Variants in ZPLD1 observed in about 807,000 individuals in gnomAD.
ZPLD1 encodes zona pellucida like domain containing 1, also known as zona pellucida-like domain-containing protein 1.
In ZPLD1, 34 loss-of-function variants were observed where a neutral mutation model predicts 47.2. The observed-to-expected ratio is 0.72, with a 90% confidence interval of 0.55 to 0.96. ZPLD1 has a LOEUF of 0.96. Among genes scored for constraint, ZPLD1 ranks in the 40% least tolerant of loss-of-function variants. The pLI, the probability that ZPLD1 is intolerant of heterozygous loss-of-function variation, is 0.00. For missense variants in ZPLD1, 512 were observed against 505.8 expected (o/e 1.01, Z -0.12); for synonymous variants, 176 against 186.2 (o/e 0.95, Z 0.45).
chr3:102,438,087 A>G (rs1395331014), intron 2 of ZPLD1, among the ~76,000 whole-genome samples: 1 of 152,128 alleles, frequency 6.6e-6, no homozygotes, highest in Non-Finnish European at 1.5e-5. Flanking sequence ...CTGACTATAT[A>G]CTTGTTGGTA....
intron 7 of ZPLD1, among the ~76,000 whole-genome samples, chr3:102,407,475 G>A (rs1267532982): frequency 2.6e-5 from 3 of 116,914 alleles, no homozygotes; most frequent in African/African-American, 6.2e-5. Context: ...GAGTCCACTG[G>A]GATAAACAAT....
At chr3:102,462,777 TAA>T (rs1356040669) in intron 7 of ZPLD1, among the ~76,000 whole-genome samples, 1 of 152,148 alleles carries the variant, frequency 6.6e-6, no homozygotes. Flanking sequence ...GGACTCTGCA[TAA>T]GAGTGTGTCA....
intron 7 of ZPLD1, among the ~76,000 whole-genome samples, chr3:102,409,295 T>C (rs1346047577): frequency 6.6e-6 from 1 of 151,844 alleles, no homozygotes; most frequent in Middle Eastern, 3.2e-3. Context: ...AGATAAAGTG[T>C]AGGAGGACAC....
At chr3:102,409,316 C>T (rs1477632640) in intron 7 of ZPLD1, among the ~76,000 whole-genome samples, 4 of 151,724 alleles carry the variant, frequency 2.6e-5, no homozygotes, top group South Asian at 2.1e-4. Context: ...TCCTTGTTCT[C>T]GAGATAATGG....
chr3:102,442,926 A>G (rs1344351999), intron 3 of ZPLD1, among the ~76,000 whole-genome samples: 1 of 152,206 alleles, frequency 6.6e-6, no homozygotes, highest in Non-Finnish European at 1.5e-5. Context: ...AACCACTAAA[A>G]TTACAGTTGT....
In ZPLD1 at chr3:102,456,351, G is replaced by T. The variant is rs1227464323; in HGVS notation, c.486G>T (p.Leu162=). 1.9e-6 allele frequency: 3 copies of T among 1,611,824 alleles called. No homozygotes were observed. Among genetic ancestry groups the T allele is most frequent in the Middle Eastern group, 1.7e-4 (1 of 6,056 alleles). Residue 162 remains leucine, a synonymous_variant, in exon 5 of 12, where the codon CTG becomes CTT. Coordinates refer to ENST00000466937, the MANE Select transcript of ZPLD1 (RefSeq NM_001329788.2). ...KFSCSYPLEY[L]VNNTQLASSS... ...GTTGTAGTTATCCATTGGAATACCT[G>T]GTTAATAATACCCAGCTTGCTTCGT... is the stretch of plus-strand genomic sequence containing the variant.
chr3:102,470,105 T>C (rs766883902), intron 9 of ZPLD1, among the ~76,000 whole-genome samples: 1 of 151,966 alleles, frequency 6.6e-6, no homozygotes, highest in Non-Finnish European at 1.5e-5. Flanking sequence ...TTGAGAGAAA[T>C]AAAAGTAGAA....
exon 6 of ZPLD1, chr3:102,385,149 A>G (rs964210315): frequency 6.6e-6 from 1 of 152,216 alleles, no homozygotes; most frequent in African/African-American, 2.4e-5. Context: ...GGGACTCAGT[A>G]ACTCCATTAG....
At position 102,453,112 on chromosome 3, in the gene ZPLD1, C is replaced by A; in HGVS notation, c.300C>A (p.Thr100=). 6.2e-7 allele frequency: 1 copy of A among 1,613,978 alleles called. No individual in the cohort carries two copies. ...TCATTTTTATCATCAATCTCAGCAC[C>A]TTGGAGGGCTGTGGAAACAACCTGG... The part of the protein sequence containing the change: ...AVVIFIINLS[T]LEGCGNNLVV... The change falls in exon 4 of 12, where the codon ACC becomes ACA. Residue 100 remains threonine, a synonymous_variant. Coordinates refer to ENST00000466937, the MANE Select transcript of ZPLD1 (RefSeq NM_001329788.2).
At chr3:102,421,933 T>A (rs1706884592) in intron 8 of ZPLD1, among the ~76,000 whole-genome samples, 2 of 152,144 alleles carry the variant, frequency 1.3e-5, no homozygotes, top group African/African-American at 4.8e-5. Context: ...ATTAAAAACA[T>A]ACAAAAATAA....
chr3:102,433,620 C>T (rs1439674028), upstream of ZPLD1, among the ~76,000 whole-genome samples: 11 of 152,290 alleles, frequency 7.2e-5, no homozygotes, highest in Admixed American at 1.3e-4. Context: ...CTCCGCCTCC[C>T]GGGTTCAAGG....
At chr3:102,446,967 T>C (rs1465643454) in intron 3 of ZPLD1, among the ~76,000 whole-genome samples, 2 of 152,242 alleles carry the variant, frequency 1.3e-5, no homozygotes, top group Non-Finnish European at 2.9e-5. Context: ...TGATATGAAG[T>C]GGCATGTAGT....
At position 102,453,004 on chromosome 3, in the gene ZPLD1, G is replaced by A. The variant is rs757680849; in HGVS notation, c.192G>A (p.Ser64=). Residue 64 remains serine, a synonymous_variant, in exon 4 of 12, where the codon TCG becomes TCA. Transcript: ENST00000466937. ...GCACGGTACTTTTCTCGGGTTATTC[G>A]GAAACAGATCTGGCACTGAATGGAA... The part of the protein sequence containing the change: ...NFCTVLFSGY[S]ETDLALNGRH... 23 of 1,614,052 alleles carry A rather than the reference G, an allele frequency of 1.4e-5. No homozygotes were observed. The highest frequency in any genetic ancestry group is 1.1e-4 in the South Asian group (10 of 91,078).
chr3:102,390,330 ATCTG>A (rs1342914831), intron 6 of ZPLD1, among the ~76,000 whole-genome samples: 19 of 152,194 alleles, frequency 1.2e-4, no homozygotes, highest in African/African-American at 4.6e-4. Flanking sequence ...CCGTTTTAGA[ATCTG>A]TCTTAGTACC....
At chr3:102,443,649 A>G (rs1238650806) in intron 3 of ZPLD1, among the ~76,000 whole-genome samples, 1 of 152,204 alleles carries the variant, frequency 6.6e-6, no homozygotes, top group African/African-American at 2.4e-5. Context: ...TTAATATTCA[A>G]TGAACACAAG....
At chr3:102,453,951 T>C (rs1707375748) in intron 4 of ZPLD1, among the ~76,000 whole-genome samples, 2 of 152,240 alleles carry the variant, frequency 1.3e-5, no homozygotes. Context: ...ATTCACTTAG[T>C]ACTATTTTTT....
intron 8 of ZPLD1, among the ~76,000 whole-genome samples, chr3:102,424,563 T>C (rs1352284694): frequency 6.6e-6 from 1 of 152,218 alleles, no homozygotes; most frequent in East Asian, 1.9e-4. Context: ...TTGCTACTTC[T>C]GCGAACCCAA....
upstream of ZPLD1, among the ~76,000 whole-genome samples, chr3:102,431,083 T>A (rs2107314374): frequency 6.6e-6 from 1 of 152,268 alleles, no homozygotes; most frequent in Admixed American, 6.5e-5. Context: ...CCCCCAAAAC[T>A]CAGATTGTAC....
intron 2 of ZPLD1, among the ~76,000 whole-genome samples, chr3:102,438,024 AT>A (rs1308438895): frequency 2.0e-5 from 3 of 152,212 alleles, no homozygotes; most frequent in Non-Finnish European, 4.4e-5. Flanking sequence ...TTATTTGGTC[AT>A]TAAGATTATT....
Sources: allele counts gnomAD v4.1 joint callset (sites outside exome capture counted in the v4.1 genomes callset), GRCh38; gene constraint gnomAD v4.1.1; transcripts MANE v1.5; gene names NCBI Gene and HGNC (gene_info 2026-07-23, HGNC 2026-07-21).